Variants in HS2ST1 observed in about 807,000 individuals in gnomAD.
HS2ST1 encodes 2-O-sulfotransferase.
Under a neutral mutation model 42.9 loss-of-function variants are expected in HS2ST1, and 18 were observed. That is an observed-to-expected ratio of 0.42 (90% CI 0.29 to 0.62). The LOEUF (loss-of-function observed/expected upper bound fraction) is 0.62. Among genes scored for constraint, HS2ST1 ranks in the 20% least tolerant of loss-of-function variants. The pLI is 0.21. For missense variants in HS2ST1, 334 were observed against 433.8 expected (o/e 0.77, Z 2.04); for synonymous variants, 146 against 152.9 (o/e 0.95, Z 0.33).
In HS2ST1 at chr1:87,097,857, C is replaced by T. The variant is rs776738678; in HGVS notation, c.608C>T (p.Ala203Val). The T allele has an allele frequency of 1.2e-6, 2 of 1,613,924 alleles. No homozygotes were observed. Among genetic ancestry groups the T allele is most frequent in the Non-Finnish European group, 1.7e-6 (2 of 1,179,886 alleles). The change falls in exon 5 of 7, where the codon GCA becomes GTA. Residue 203 changes from alanine to valine, a missense_variant. Transcript: ENST00000370550. ...GDKKTFDECV[A>V]EGGSDCAPEK... ...TTCTAGACCTTTGATGAATGTGTAG[C>T]AGAAGGTGGCTCAGACTGTGCTCCA...
At chr1:86,949,817 C>A (rs1647451573) in intron 1 of HS2ST1, among the ~76,000 whole-genome samples, 1 of 152,168 alleles carries the variant, frequency 6.6e-6, no homozygotes, top group Admixed American at 6.5e-5. Context: ...AATAATTAGA[C>A]TCCTATTATC....
chr1:86,935,441 ATTTTCTTTTTCTCCT>A (rs1452245031), intron 1 of HS2ST1, among the ~76,000 whole-genome samples: 1 of 93,066 alleles, frequency 1.1e-5, no homozygotes, highest in Non-Finnish European at 2.4e-5. Flanking sequence ...AGGTTTTGTA[ATTTTCTTTTTCTCCT>A]TTTTTTTTTT....
chr1:87,045,645 C>G, intron 1 of HS2ST1: 1 of 773,848 alleles, frequency 1.3e-6, no homozygotes. Flanking sequence ...GATCTTCAAT[C>G]TTTCCAATAC....
intron 1 of HS2ST1, among the ~76,000 whole-genome samples, chr1:86,917,592 A>C (rs1239922509): frequency 1.3e-5 from 2 of 152,186 alleles, no homozygotes; most frequent in Non-Finnish European, 2.9e-5. Flanking sequence ...AGGTTATATA[A>C]CTTGCCCAAG....
chr1:87,088,550 A>G (rs903873171), intron 3 of HS2ST1, among the ~76,000 whole-genome samples: 8 of 152,036 alleles, frequency 5.3e-5, no homozygotes, highest in Admixed American at 1.3e-4. Context: ...GTGCGGACTT[A>G]TGTCTTAACT....
chr1:87,020,233 A>T (rs1649900821), intron 1 of HS2ST1, among the ~76,000 whole-genome samples: 1 of 152,212 alleles, frequency 6.6e-6, no homozygotes. Flanking sequence ...AAGTTGAGGG[A>T]TACAAGAAAG....
At chr1:86,932,346 G>T (rs1203982532) in intron 1 of HS2ST1, 1 of 152,032 alleles carries the variant, frequency 6.6e-6, no homozygotes, top group Non-Finnish European at 1.5e-5. Context: ...GTACAAACAT[G>T]CAGACAGACG....
intron 1 of HS2ST1, among the ~76,000 whole-genome samples, chr1:86,935,964 G>T (rs755192648): frequency 6.6e-6 from 1 of 152,098 alleles, no homozygotes; most frequent in South Asian, 2.1e-4. Context: ...ACAGGAAATC[G>T]ATGGTGGTAT....
At chr1:86,930,675 C>T (rs539422168) in intron 1 of HS2ST1, among the ~76,000 whole-genome samples, 1 of 152,042 alleles carries the variant, frequency 6.6e-6, no homozygotes, top group African/African-American at 2.4e-5. Context: ...ATGACACCAT[C>T]CTCCCCTATT....
chr1:87,067,285 CTTG>C (rs1651278398), intron 1 of HS2ST1, among the ~76,000 whole-genome samples: 3 of 152,188 alleles, frequency 2.0e-5, no homozygotes, highest in Non-Finnish European at 2.9e-5. Context: ...AAGATGGTAT[CTTG>C]TTGTGGTTTT....
chr1:86,977,321 A>G (rs1648449519), intron 1 of HS2ST1, among the ~76,000 whole-genome samples: 1 of 152,202 alleles, frequency 6.6e-6, no homozygotes, highest in Non-Finnish European at 1.5e-5. Context: ...GCAAATTGTC[A>G]TTTGCCAACA....
At chr1:87,078,862 G>A (rs1157415361) in intron 2 of HS2ST1, among the ~76,000 whole-genome samples, 2 of 152,180 alleles carry the variant, frequency 1.3e-5, no homozygotes, top group African/African-American at 2.4e-5. Flanking sequence ...GTGGTGCAGG[G>A]AGGTGAGAAG....
chr1:86,959,369 T>G (rs1647761950), intron 1 of HS2ST1, among the ~76,000 whole-genome samples: 1 of 152,114 alleles, frequency 6.6e-6, no homozygotes, highest in African/African-American at 2.4e-5. Flanking sequence ...AATAAGTGAT[T>G]ATAGCAGGTT....
At chr1:86,969,612 T>A (rs1476260304) in intron 1 of HS2ST1, among the ~76,000 whole-genome samples, 1 of 152,132 alleles carries the variant, frequency 6.6e-6, no homozygotes, top group Non-Finnish European at 1.5e-5. Context: ...AGAGTTAATT[T>A]TACAAATTTA....
At chr1:86,997,082 T>C (rs1649123153) in intron 1 of HS2ST1, among the ~76,000 whole-genome samples, 1 of 152,194 alleles carries the variant, frequency 6.6e-6, no homozygotes, top group African/African-American at 2.4e-5. Flanking sequence ...ATATTTATTC[T>C]GGTCTTTTCC....
At position 87,104,649 on chromosome 1, in the gene HS2ST1, C is replaced by T; in HGVS notation, c.1024C>T (p.Leu342Phe). 6.2e-7 allele frequency: 1 copy of T among 1,613,210 alleles called. No individual in the cohort carries two copies. The highest frequency in any genetic ancestry group is 8.5e-7 in the Non-Finnish European group (1 of 1,179,230). ...AGAAAAAGATGGAGACCTCTACATC[C>T]TCGCACAAAACTTTTTCTATGAAAA... The part of the protein sequence containing the change: ...VREKDGDLYI[L>F]AQNFFYEKIY... The change falls in exon 7 of 7, where the codon CTC becomes TTC. Residue 342 changes from leucine (L) to phenylalanine (F), a missense_variant. Coordinates refer to ENST00000370550, the MANE Select transcript of HS2ST1 (RefSeq NM_012262.4).
intron 1 of HS2ST1, among the ~76,000 whole-genome samples, chr1:86,993,283 C>G (rs1012386899): frequency 2.0e-5 from 3 of 152,064 alleles, no homozygotes; most frequent in Non-Finnish European, 4.4e-5. Context: ...GGGGGGTACC[C>G]CATATTGATT....
chr1:86,967,419 A>C (rs1174145773), intron 1 of HS2ST1, among the ~76,000 whole-genome samples: 1 of 152,120 alleles, frequency 6.6e-6, no homozygotes, highest in Non-Finnish European at 1.5e-5. Context: ...CATTGTACCC[A>C]ATATGTAGTC....
intron 1 of HS2ST1, among the ~76,000 whole-genome samples, chr1:87,041,209 G>A (rs1650512912): frequency 2.5e-5 from 3 of 118,290 alleles, no homozygotes; most frequent in South Asian, 5.9e-4. Flanking sequence ...GAAAAATAGC[G>A]AGACCTTGTC....
Sources: gnomAD v4.1 joint callset for allele counts (sites outside exome capture counted in the v4.1 genomes callset) on GRCh38, gnomAD v4.1.1 for gene constraint, MANE v1.5 for transcripts, NCBI Gene and HGNC (gene_info 2026-07-23, HGNC 2026-07-21) for gene names.